The following CTDP1 variants were observed in gnomAD, a reference collection of about 807,000 sequenced individuals.
CTDP1 encodes the protein CTD phosphatase 1.
In CTDP1, 47 loss-of-function variants were observed where a neutral mutation model predicts 91.8. The ratio of observed to expected loss-of-function variants is 0.51; its 90% CI spans 0.41 to 0.65. CTDP1 has a LOEUF of 0.65. Ranked by LOEUF, CTDP1 falls within the 30% of genes least tolerant of loss-of-function variation. The pLI is 0.00. For missense variants in CTDP1, 1,272 were observed against 1,373.7 expected (o/e 0.93, Z 1.17); for synonymous variants, 656 against 598.5 (o/e 1.10, Z -1.40).
chr18:79,701,529 T>TTAAA lies in CTDP1; in HGVS notation c.622-3197_622-3194dup, dbSNP rs146187493. ...CATCTCAAAAAAAATAATAAATAAA[T>TTAAA]TAAATAAATAAATAAATAAATAAAT... On this transcript the variant is annotated intron_variant, in intron 4 of 12. Coordinates refer to ENST00000613122, the MANE Select transcript of CTDP1 (RefSeq NM_004715.5). 7.1e-3 allele frequency among the ~76,000 whole-genome samples: 1,015 copies of TTAAA among 143,396 alleles called. 5 individuals carry two copies. Among genetic ancestry groups the TTAAA allele is most frequent in the Admixed American group, 0.015 (214 of 14,388 alleles). 94.1% of individuals were successfully genotyped at this position (143,396 alleles called of 152,430 possible).
intron 4 of CTDP1, among the ~76,000 whole-genome samples, chr18:79,702,468 G>T (rs528603128): frequency 6.3e-4 from 96 of 152,232 alleles, no homozygotes; most frequent in Non-Finnish European, 9.4e-4. Flanking sequence ...CCACCTCCCG[G>T]GTTCAAGCCA....
intron 10 of CTDP1, among the ~76,000 whole-genome samples, chr18:79,721,818 AT>A (rs979375209): frequency 6.8e-6 from 1 of 146,498 alleles, no homozygotes; most frequent in Non-Finnish European, 1.5e-5. Context: ...TTTCTTCAGT[AT>A]TTTTATTTAT....
rs1363894898 is a variant in CTDP1 at position 79,715,147 on chromosome 18, C to T, written c.1687C>T (p.Leu563=). The T allele has an allele frequency of 6.2e-7, 1 of 1,613,586 alleles. No individual in the cohort carries two copies. The highest frequency in any genetic ancestry group is 8.5e-7 in the Non-Finnish European group (1 of 1,179,944). Residue 563 remains leucine, a synonymous_variant, in exon 8 of 13, where the codon CTG becomes TTG. Transcript: ENST00000613122. ...EAETESQNSE[L]SGVTAGESLD... Reference sequence around the variant, plus strand: ...GGAGACCGAGTCACAGAACAGCGAGCTGTCGGGGGTCACTGCGGGTGAGTC... The same window carrying T: ...GGAGACCGAGTCACAGAACAGCGAGTTGTCGGGGGTCACTGCGGGTGAGTC...
chr18:79,729,034 C>G lies in CTDP1; in HGVS notation c.2545C>G (p.Leu849Val). The G allele has an allele frequency of 6.2e-7, 1 of 1,613,954 alleles. No individual in the cohort carries two copies. Reference sequence around the variant, plus strand: ...GTCTGAGACAATGCCGCTGTACACTCTTTGTAAGGAGGATTTAGAGAGTAT... The same window carrying G: ...GTCTGAGACAATGCCGCTGTACACTGTTTGTAAGGAGGATTTAGAGAGTAT... ...SMSETMPLYT[L>V]CKEDLESMDK... The change falls in exon 11 of 13, where the codon CTT becomes GTT. Residue 849 changes from leucine (L) to valine (V), a missense_variant. Leu to Val is a conservative substitution (Grantham distance 32). Transcript: ENST00000613122.
At chr18:79,739,840 C>T (rs56092222) in intron 12 of CTDP1, among the ~76,000 whole-genome samples, 1 of 102,500 alleles carries the variant, frequency 9.8e-6, no homozygotes, top group Non-Finnish European at 2.1e-5. Context: ...ACGGCCGGGA[C>T]GGGTGGGACT....
At chr18:79,748,739 G>A (rs1251184992) in intron 12 of CTDP1, among the ~76,000 whole-genome samples, 1 of 152,226 alleles carries the variant, frequency 6.6e-6, no homozygotes, top group South Asian at 2.1e-4. Context: ...TCACACAACA[G>A]CGACAGAGTC....
At chr18:79,746,323 C>G (rs1161064931) in intron 12 of CTDP1, among the ~76,000 whole-genome samples, 6 of 127,532 alleles carry the variant, frequency 4.7e-5, no homozygotes, top group Admixed American at 7.8e-5. Context: ...CGCGTTCTGT[C>G]CCCGCGTCCC....
upstream of CTDP1, chr18:79,678,843 G>GT (rs1450040171): frequency 6.4e-6 from 1 of 156,532 alleles, no homozygotes; most frequent in Non-Finnish European, 1.4e-5. Context: ...GCCTGGCTAA[G>GT]TATTAATGAA....
chr18:79,712,181 G>T (rs1177502083), intron 6 of CTDP1, among the ~76,000 whole-genome samples: 1 of 152,256 alleles, frequency 6.6e-6, no homozygotes, highest in Non-Finnish European at 1.5e-5. Context: ...TGATAGGATC[G>T]AATGGGGACA....
At chr18:79,755,471 T>C (rs1294967546), downstream of CTDP1, 3 of 152,030 alleles carry the variant, frequency 2.0e-5, no homozygotes, top group Non-Finnish European at 4.4e-5. Context: ...TACAAGTTGA[T>C]ACCCAAAGAA....
rs997949552 is a variant in CTDP1, at chr18:79,725,608, G to C, written c.2418-3299G>C. Among the ~76,000 whole-genome samples, 6 of 150,866 alleles carry C rather than the reference G, an allele frequency of 4.0e-5. No homozygotes were observed. In the East Asian group the frequency reaches 1.2e-3, roughly 30 times the overall value. ...GATTATTTCTTATGACTTTTGTTTT[G>C]ACAGTCAAGTGTGGTCTAGAGAACT... On this transcript the variant is annotated intron_variant, in intron 10 of 12. Transcript: ENST00000613122.
chr18:79,710,329 C>T lies in CTDP1; in HGVS notation c.773-17C>T. On this transcript the variant is annotated splice_polypyrimidine_tract_variant and intron_variant, in intron 5 of 12. Coordinates refer to ENST00000613122, the MANE Select transcript of CTDP1 (RefSeq NM_004715.5). Reference sequence around the variant, plus strand: ...GTGTCTCAGGTATGTAATCTTTGTCCTGTTTTCTTTTCCAAGGCTTTTTAG... The same window carrying T: ...GTGTCTCAGGTATGTAATCTTTGTCTTGTTTTCTTTTCCAAGGCTTTTTAG... The T allele has an allele frequency of 6.2e-7, 1 of 1,600,676 alleles. No homozygotes were observed. The highest frequency in any genetic ancestry group is 1.3e-5 in the African/African-American group (1 of 74,680).
chr18:79,685,374 G>A (rs920684793), intron 1 of CTDP1: 7 of 151,906 alleles, frequency 4.6e-5, no homozygotes, highest in Admixed American at 6.6e-5. Flanking sequence ...TATTTAAATC[G>A]CCACAGAAAG....
chr18:79,707,639 C>A (rs2085994335), intron 5 of CTDP1, among the ~76,000 whole-genome samples: 1 of 152,246 alleles, frequency 6.6e-6, no homozygotes, highest in Non-Finnish European at 1.5e-5. Context: ...TCCCTTTGAA[C>A]ATGGATGCAG....
At chr18:79,683,311 A>G (rs2085413066) in intron 1 of CTDP1, among the ~76,000 whole-genome samples, 1 of 152,176 alleles carries the variant, frequency 6.6e-6, no homozygotes, top group Admixed American at 6.5e-5. Flanking sequence ...ATGTTTATAG[A>G]CTGATTATCG....
At chr18:79,679,189 G>A (rs988767357), upstream of CTDP1, 1 of 330,978 alleles carries the variant, frequency 3.0e-6, no homozygotes, top group Admixed American at 4.1e-5. Flanking sequence ...CGCCTGCGCG[G>A]GCCGAGGGCG....
At chr18:79,686,138 G>A (rs941579535) in intron 1 of CTDP1, among the ~76,000 whole-genome samples, 4 of 152,238 alleles carry the variant, frequency 2.6e-5, no homozygotes, top group Admixed American at 1.3e-4. Flanking sequence ...AGGTATCTCC[G>A]ATCTAATCTT....
chr18:79,702,118 G>C (rs1246043740), intron 4 of CTDP1, among the ~76,000 whole-genome samples: 1 of 152,224 alleles, frequency 6.6e-6, no homozygotes, highest in African/African-American at 2.4e-5. Flanking sequence ...TCTTCTGTGG[G>C]TAAAACGCTG....
intron 4 of CTDP1, among the ~76,000 whole-genome samples, chr18:79,701,665 A>C (rs1219600452): frequency 6.6e-6 from 1 of 152,230 alleles, no homozygotes; most frequent in East Asian, 1.9e-4. Context: ...GAAAGGATTC[A>C]CCATTGTGAC....
Sources: gnomAD v4.1 joint callset for allele counts (sites outside exome capture counted in the v4.1 genomes callset) on GRCh38, gnomAD v4.1.1 for gene constraint, MANE v1.5 for transcripts, NCBI Gene and HGNC (gene_info 2026-07-23, HGNC 2026-07-21) for gene names.